The following PDE7B variants were observed in gnomAD, a reference collection of about 807,000 sequenced individuals.
PDE7B encodes 3',5'-cyclic-AMP phosphodiesterase 7B.
In PDE7B, 29 loss-of-function variants were observed where a neutral mutation model predicts 56.2. That is an observed-to-expected ratio of 0.52 (90% CI 0.38 to 0.70). PDE7B has a LOEUF of 0.70. Among genes scored for constraint, PDE7B ranks in the 30% least tolerant of loss-of-function variants. The pLI, the probability that PDE7B is intolerant of heterozygous loss-of-function variation, is 0.00. For missense variants in PDE7B, 490 were observed against 565.0 expected, an observed-to-expected ratio of 0.87 and a Z score of 1.35; for synonymous variants, 197 against 196.9, an observed-to-expected ratio of 1.00 and a Z score of 0.00.
intron 2 of PDE7B, among the ~76,000 whole-genome samples, chr6:136,026,546 C>A (rs1776154430): frequency 6.6e-6 from 1 of 152,218 alleles, no homozygotes; most frequent in Admixed American, 6.5e-5. Flanking sequence ...TGATGATAAG[C>A]TGTAAATCAA....
chr6:135,934,729 CAAA>C lies in PDE7B; in HGVS notation c.22-12726_22-12724del, dbSNP rs1273694326. 8.7e-5 allele frequency among the ~76,000 whole-genome samples: 4 copies of C among 46,232 alleles called. No homozygotes were observed. The East Asian group carries it at 2.7e-3, about 31-fold the overall frequency. The allele number at this position is 46,232 out of a possible 152,430, so 30.3% of individuals were successfully genotyped here. Reference sequence around the variant, plus strand: ...TGGAGACAAGAGTGAAACTCTGTCTCAAAAAAAAAAATATATATATATATATTT... The same window carrying C: ...TGGAGACAAGAGTGAAACTCTGTCTCAAAAAAAATATATATATATATATTT... On this transcript the variant is annotated intron_variant, in intron 1 of 12. Coordinates refer to ENST00000308191, the MANE Select transcript of PDE7B (RefSeq NM_018945.4).
chr6:135,853,262 C>G (rs1308027060), intron 1 of PDE7B, among the ~76,000 whole-genome samples: 6 of 152,156 alleles, frequency 3.9e-5, no homozygotes, highest in African/African-American at 1.4e-4. Context: ...AGCACGATTT[C>G]AAACATGAGG....
chr6:136,140,356 C>A (rs1778298956), intron 3 of PDE7B, among the ~76,000 whole-genome samples: 1 of 152,166 alleles, frequency 6.6e-6, no homozygotes, highest in African/African-American at 2.4e-5. Context: ...CAGTACCATG[C>A]TGTTTTGGTT....
At chr6:135,897,172 A>T (rs541120631) in intron 1 of PDE7B, among the ~76,000 whole-genome samples, 1 of 152,134 alleles carries the variant, frequency 6.6e-6, no homozygotes, top group Non-Finnish European at 1.5e-5. Context: ...CTCCAAAACC[A>T]GGCACAATGC....
intron 1 of PDE7B, among the ~76,000 whole-genome samples, chr6:135,860,237 T>C (rs887669829): frequency 3.9e-5 from 6 of 152,046 alleles, no homozygotes; most frequent in African/African-American, 1.2e-4. Flanking sequence ...ATAGTTGAAA[T>C]GCAACTTCAG....
chr6:136,005,977 T>C (rs1379939916), intron 2 of PDE7B, among the ~76,000 whole-genome samples: 1 of 151,654 alleles, frequency 6.6e-6, no homozygotes, highest in Non-Finnish European at 1.5e-5. Context: ...AATGATAGAC[T>C]GGATTAAGAA....
At chr6:136,045,928 G>T (rs1377480905) in intron 2 of PDE7B, among the ~76,000 whole-genome samples, 3 of 112,704 alleles carry the variant, frequency 2.7e-5, no homozygotes, top group African/African-American at 7.7e-5. Context: ...TTAACCTCTG[G>T]AATTAAAGCC....
intron 11 of PDE7B, among the ~76,000 whole-genome samples, chr6:136,182,681 A>G (rs1779085087): frequency 6.6e-6 from 1 of 152,212 alleles, no homozygotes; most frequent in South Asian, 2.1e-4. Flanking sequence ...GGGCAGGACC[A>G]TGTCACTTAT....
At chr6:136,179,269 A>G (rs1259065696) in intron 10 of PDE7B, 128 bp downstream of exon 10, 2 of 753,776 alleles carry the variant, frequency 2.7e-6, no homozygotes, top group East Asian at 2.6e-5. Flanking sequence ...TGAGTCCATG[A>G]GTTCAAGGCT....
Position 136,178,934 on chromosome 6 carries a change from A to T in PDE7B, c.804-63A>T, listed in dbSNP as rs980852439. The T allele has an allele frequency of 5.2e-6, 8 of 1,543,944 alleles. No individual in the cohort carries two copies. The South Asian group carries it at 7.9e-5, about 15-fold the overall frequency. On this transcript the variant is annotated intron_variant, in intron 9 of 12. Transcript: ENST00000308191. Reference sequence around the variant, plus strand: ...CAAGCCACCTGATGATGATAAAATCAATCACCCTCATCAAAGGGATTTGCT... The same window carrying T: ...CAAGCCACCTGATGATGATAAAATCTATCACCCTCATCAAAGGGATTTGCT...
intron 1 of PDE7B, among the ~76,000 whole-genome samples, chr6:135,909,889 G>C (rs1479852141): frequency 6.6e-6 from 1 of 152,060 alleles, no homozygotes. Context: ...ACGCAGGTGT[G>C]ATCTTGGGAC....
At chr6:136,122,824 T>G (rs1318346400) in intron 3 of PDE7B, among the ~76,000 whole-genome samples, 1 of 152,214 alleles carries the variant, frequency 6.6e-6, no homozygotes, top group East Asian at 1.9e-4. Flanking sequence ...ATAGTCAGGT[T>G]GCAAAGCTTC....
intron 2 of PDE7B, chr6:136,070,293 G>A (rs950524982): frequency 6.6e-6 from 1 of 152,128 alleles, no homozygotes; most frequent in Non-Finnish European, 1.5e-5. Context: ...TTGAACAGGA[G>A]AGGAAATCCA....
At chr6:135,979,390 A>G (rs1775253580) in intron 2 of PDE7B, among the ~76,000 whole-genome samples, 1 of 151,818 alleles carries the variant, frequency 6.6e-6, no homozygotes, top group Admixed American at 6.6e-5. Flanking sequence ...TGCTGGCCTC[A>G]TAAAATGAGT....
intron 1 of PDE7B, among the ~76,000 whole-genome samples, chr6:135,946,480 A>T (rs1774597489): frequency 6.6e-6 from 1 of 152,126 alleles, no homozygotes; most frequent in African/African-American, 2.4e-5. Context: ...GATTTTGCAA[A>T]TAATTTTCTA....
intron 2 of PDE7B, among the ~76,000 whole-genome samples, chr6:135,982,379 G>T (rs549438125): frequency 6.6e-6 from 1 of 151,972 alleles, no homozygotes; most frequent in Non-Finnish European, 1.5e-5. Context: ...TGACTCTCAG[G>T]TTCACATGTT....
chr6:136,058,303 G>A lies in PDE7B; in HGVS notation c.83-50428G>A, dbSNP rs566567481. On this transcript the variant is annotated intron_variant, in intron 2 of 12. Transcript: ENST00000308191. Reference sequence around the variant, plus strand: ...TTAGATATCCTCATGAGATTTCAGAGTTTGGATAATCTTCAATTGGAAATA... The same window carrying A: ...TTAGATATCCTCATGAGATTTCAGAATTTGGATAATCTTCAATTGGAAATA... Among the ~76,000 whole-genome samples the A allele has an allele frequency of 7.2e-4, 110 of 152,286 alleles. 1 individual carries two copies. The highest frequency in any genetic ancestry group is 4.1e-3 in the Admixed American group (63 of 15,302).
intron 3 of PDE7B, among the ~76,000 whole-genome samples, chr6:136,125,481 T>G (rs1778007729): frequency 6.6e-6 from 1 of 152,006 alleles, no homozygotes. Flanking sequence ...GGAAGATCAC[T>G]TAAATCCAGG....
At chr6:135,943,579 G>A (rs531445575) in intron 1 of PDE7B, among the ~76,000 whole-genome samples, 3 of 152,340 alleles carry the variant, frequency 2.0e-5, no homozygotes, top group African/African-American at 7.2e-5. Flanking sequence ...GTATTCCATA[G>A]TGAGTGGTAC....
Sources: gnomAD v4.1 joint callset for allele counts (sites outside exome capture counted in the v4.1 genomes callset) on GRCh38, gnomAD v4.1.1 for gene constraint, MANE v1.5 for transcripts, NCBI Gene and HGNC (gene_info 2026-07-23, HGNC 2026-07-21) for gene names.